KCNIP4: variants seen among roughly 807,000 people sequenced by gnomAD.
KCNIP4 encodes the protein potassium voltage-gated channel interacting protein 4.
KCNIP4 carries 12 observed loss-of-function variants against 34.0 expected under a neutral mutation model. The ratio of observed to expected loss-of-function variants is 0.35; its 90% CI spans 0.23 to 0.57. The LOEUF is 0.57. Among genes scored for constraint, KCNIP4 ranks in the 20% least tolerant of loss-of-function variants. KCNIP4 has a pLI of 0.83. For synonymous variants in KCNIP4, 124 were observed against 102.2 expected (o/e 1.21, Z -1.29); for missense variants, 238 against 311.7 (o/e 0.76, Z 1.78).
At chr4:21,105,711 A>T (rs553720876) in intron 1 of KCNIP4, among the ~76,000 whole-genome samples, 247 of 151,746 alleles carry the variant, frequency 1.6e-3, no homozygotes, top group Middle Eastern at 0.014. Context: ...TTGCCCATTC[A>T]GTATGATATT....
chr4:21,834,592 C>T (rs567775707), intron 1 of KCNIP4, among the ~76,000 whole-genome samples: 99 of 152,264 alleles, frequency 6.5e-4, no homozygotes, highest in African/African-American at 2.3e-3. Context: ...ATTTCCTTCT[C>T]TTGCCTAATT....
At chr4:21,297,967 T>C (rs1323828904) in intron 1 of KCNIP4, among the ~76,000 whole-genome samples, 1 of 152,174 alleles carries the variant, frequency 6.6e-6, no homozygotes, top group Non-Finnish European at 1.5e-5. Flanking sequence ...CCTTTTGGAT[T>C]GGCGCTACAA....
intron 1 of KCNIP4, among the ~76,000 whole-genome samples, chr4:21,727,551 G>T (rs1013778530): frequency 6.6e-6 from 1 of 152,090 alleles, no homozygotes; most frequent in African/African-American, 2.4e-5. Flanking sequence ...ATTTGTGGCC[G>T]GGTGTGGTGG....
At chr4:21,823,826 T>A (rs868527966) in intron 1 of KCNIP4, among the ~76,000 whole-genome samples, 1 of 151,074 alleles carries the variant, frequency 6.6e-6, no homozygotes, top group Non-Finnish European at 1.5e-5. Flanking sequence ...ATCACACACA[T>A]AAAAAAAAAT....
At chr4:21,761,656 T>C (rs947222342) in intron 1 of KCNIP4, among the ~76,000 whole-genome samples, 1 of 151,912 alleles carries the variant, frequency 6.6e-6, no homozygotes, top group Non-Finnish European at 1.5e-5. Flanking sequence ...ACTCTCAAAA[T>C]AAATATACCA....
chr4:21,611,503 T>G (rs749878924), intron 1 of KCNIP4, among the ~76,000 whole-genome samples: 1 of 152,114 alleles, frequency 6.6e-6, no homozygotes, highest in Admixed American at 6.5e-5. Context: ...GAGATTTGGG[T>G]GGGGACACAG....
chr4:21,121,228 G>T, intron 1 of KCNIP4, among the ~76,000 whole-genome samples: 1 of 152,284 alleles, frequency 6.6e-6, no homozygotes, highest in African/African-American at 2.4e-5. Context: ...TTGCCCCACT[G>T]CTGTCCGGCC....
At chr4:21,233,669 A>G (rs1256881773) in intron 1 of KCNIP4, among the ~76,000 whole-genome samples, 2 of 151,558 alleles carry the variant, frequency 1.3e-5, no homozygotes, top group African/African-American at 4.8e-5. Context: ...CATTTATAGG[A>G]CATTTTCTAT....
chr4:20,795,372 C>T (rs1713313918), intron 3 of KCNIP4, among the ~76,000 whole-genome samples: 1 of 152,132 alleles, frequency 6.6e-6, no homozygotes, highest in South Asian at 2.1e-4. Flanking sequence ...CATCCGAAGC[C>T]TATAGCCCTA....
chr4:20,979,396 TTTC>T (rs1735820434), intron 1 of KCNIP4, among the ~76,000 whole-genome samples: 1 of 145,216 alleles, frequency 6.9e-6, no homozygotes, highest in Admixed American at 6.8e-5. Context: ...TTCCACTTTC[TTTC>T]TTTTTTTTTT....
At chr4:20,739,038 G>C (rs1302759287) in intron 5 of KCNIP4, among the ~76,000 whole-genome samples, 5 of 152,182 alleles carry the variant, frequency 3.3e-5, no homozygotes, top group Non-Finnish European at 7.3e-5. Context: ...TGAGGCTGAG[G>C]GAGGGGCGTC....
intron 1 of KCNIP4, among the ~76,000 whole-genome samples, chr4:21,358,423 A>T (rs1718883387): frequency 6.6e-6 from 1 of 152,112 alleles, no homozygotes; most frequent in South Asian, 2.1e-4. Flanking sequence ...GATCCTCCGA[A>T]CCTTATTTGA....
chr4:20,923,339 T>G (rs1422902160), intron 1 of KCNIP4, among the ~76,000 whole-genome samples: 1 of 152,222 alleles, frequency 6.6e-6, no homozygotes, highest in African/African-American at 2.4e-5. Flanking sequence ...TCAATTATTG[T>G]GTCAGCTTAT....
At chr4:21,784,413 T>C (rs1433728118) in intron 1 of KCNIP4, among the ~76,000 whole-genome samples, 4 of 148,420 alleles carry the variant, frequency 2.7e-5, no homozygotes, top group Non-Finnish European at 5.9e-5. Context: ...GAAAATATTC[T>C]TAACACTAGA....
At chr4:21,299,163 C>T (rs191559785) in intron 1 of KCNIP4, among the ~76,000 whole-genome samples, 28 of 152,054 alleles carry the variant, frequency 1.8e-4, no homozygotes, top group Non-Finnish European at 4.4e-5. Flanking sequence ...TATATCTATA[C>T]TATACTCTGT....
chr4:21,530,018 G>C (rs1004306168), intron 1 of KCNIP4, among the ~76,000 whole-genome samples: 2 of 152,078 alleles, frequency 1.3e-5, no homozygotes, highest in Non-Finnish European at 2.9e-5. Flanking sequence ...TCACTTATTA[G>C]GCATCAGGCA....
At chr4:21,325,768 T>C (rs914353593) in intron 1 of KCNIP4, among the ~76,000 whole-genome samples, 3 of 151,910 alleles carry the variant, frequency 2.0e-5, no homozygotes, top group Admixed American at 6.6e-5. Context: ...CCTTTTGCTA[T>C]ATCTCATAGG....
chr4:20,882,879 T>C (rs73802387), intron 1 of KCNIP4, among the ~76,000 whole-genome samples, 170 bp from the exon 2 acceptor site: 5,282 of 152,148 alleles, frequency 0.035, 85 homozygotes, highest in African/African-American at 0.049. Context: ...GTTTGTTTTC[T>C]TCTTATTTAG....
chr4:21,922,958 A>G (rs1307640574), intron 1 of KCNIP4, among the ~76,000 whole-genome samples: 1 of 152,200 alleles, frequency 6.6e-6, no homozygotes, highest in East Asian at 1.9e-4. Flanking sequence ...ACTGAATTCA[A>G]GGACACTGCT....
Sources: allele counts gnomAD v4.1 joint callset (sites outside exome capture counted in the v4.1 genomes callset), GRCh38; gene constraint gnomAD v4.1.1; transcripts MANE v1.5; gene names NCBI Gene and HGNC (gene_info 2026-07-23, HGNC 2026-07-21).